The following TBC1D5 variants were observed in gnomAD, a reference collection of about 807,000 sequenced individuals.
The protein encoded by TBC1D5 is TBC1 domain family, member 5.
In TBC1D5, 75 loss-of-function variants were observed where a neutral mutation model predicts 100.3. The ratio of observed to expected loss-of-function variants is 0.75; its 90% CI spans 0.62 to 0.91. The LOEUF is 0.91. Ranked by LOEUF, TBC1D5 falls within the 40% of genes least tolerant of loss-of-function variation. TBC1D5 has a pLI of 0.00. For missense variants in TBC1D5, 910 were observed against 942.4 expected (o/e 0.97, Z 0.45); for synonymous variants, 323 against 325.6 (o/e 0.99, Z 0.09).
intron 13 of TBC1D5, among the ~76,000 whole-genome samples, chr3:17,359,438 C>T (rs978712216): frequency 6.6e-6 from 1 of 152,032 alleles, no homozygotes; most frequent in Non-Finnish European, 1.5e-5. Context: ...ACCGGTAAAA[C>T]TCTGTCCTTA....
At chr3:17,705,961 C>T (rs1008859568) in intron 1 of TBC1D5, 13 of 1,362,716 alleles carry the variant, frequency 9.5e-6, no homozygotes, top group South Asian at 8.8e-5. Flanking sequence ...TCCCGGGCGG[C>T]GCTCCTCAGC....
intron 8 of TBC1D5, among the ~76,000 whole-genome samples, chr3:17,401,372 T>C (rs1049968426): frequency 1.9e-5 from 2 of 108,034 alleles, no homozygotes; most frequent in Non-Finnish European, 3.8e-5. Flanking sequence ...GTGTATAATA[T>C]ACATATGTAT....
chr3:17,189,927 T>G (rs2069656786), intron 18 of TBC1D5, among the ~76,000 whole-genome samples: 1 of 152,250 alleles, frequency 6.6e-6, no homozygotes, highest in African/African-American at 2.4e-5. Context: ...TTGAATGATT[T>G]TCTTTTTGAC....
chr3:17,255,954 G>A (rs1037156275), intron 16 of TBC1D5, among the ~76,000 whole-genome samples: 1 of 152,034 alleles, frequency 6.6e-6, no homozygotes, highest in Admixed American at 6.5e-5. Flanking sequence ...GAGAATGGCG[G>A]GAACCCGGGA....
chr3:17,587,993 T>A (rs2096742918), intron 2 of TBC1D5, among the ~76,000 whole-genome samples: 2 of 152,060 alleles, frequency 1.3e-5, no homozygotes, highest in African/African-American at 2.4e-5. Flanking sequence ...ATTATCATAG[T>A]ACTATGTCAC....
At chr3:17,275,542 TAAAC>T (rs952914951) in intron 15 of TBC1D5, among the ~76,000 whole-genome samples, 1 of 152,128 alleles carries the variant, frequency 6.6e-6, no homozygotes, top group Non-Finnish European at 1.5e-5. Context: ...TCTGTCTCTT[TAAAC>T]AAACCAACCA....
intron 10 of TBC1D5, among the ~76,000 whole-genome samples, chr3:17,375,839 T>C (rs2152094928): frequency 6.6e-6 from 1 of 152,318 alleles, no homozygotes; most frequent in East Asian, 1.9e-4. Context: ...TGTGAAATGT[T>C]ATCTGCAAGT....
In TBC1D5 at chr3:17,734,812, G is replaced by A. The variant is rs140928133; in HGVS notation, c.-101+4531C>T. On this transcript the variant is annotated intron_variant, in intron 1 of 21. Coordinates refer to ENST00000253692, the Ensembl canonical transcript of TBC1D5. Reference sequence around the variant, plus strand: ...ACTGTTAAAGATGGGCAACCCAGGCGTGGTGGCTCACAAATATAATCCAAA... The same window carrying A: ...ACTGTTAAAGATGGGCAACCCAGGCATGGTGGCTCACAAATATAATCCAAA... Among the ~76,000 whole-genome samples the A allele has an allele frequency of 3.9e-5, 6 of 152,292 alleles. No homozygotes were observed. The East Asian group carries it at 7.7e-4, about 20-fold the overall frequency.
At chr3:17,349,304 T>C (rs116477725) in intron 13 of TBC1D5, among the ~76,000 whole-genome samples, 3,405 of 152,250 alleles carry the variant, frequency 0.022, 122 homozygotes, top group African/African-American at 0.077. Flanking sequence ...AGTAGGTGGG[T>C]GGGACTGAAG....
intron 15 of TBC1D5, among the ~76,000 whole-genome samples, chr3:17,270,537 A>C (rs2079295472): frequency 6.6e-6 from 1 of 152,162 alleles, no homozygotes; most frequent in African/African-American, 2.4e-5. Flanking sequence ...TTCTCCCATT[A>C]TGCAAAGTTT....
intron 1 of TBC1D5, among the ~76,000 whole-genome samples, chr3:17,678,795 C>T (rs1384566533): frequency 3.4e-5 from 5 of 149,234 alleles, no homozygotes; most frequent in Admixed American, 2.7e-4. Context: ...CATTCTAAGA[C>T]ATATTATCAT....
intron 1 of TBC1D5, among the ~76,000 whole-genome samples, chr3:17,688,424 T>C (rs2070641021): frequency 6.6e-6 from 1 of 152,216 alleles, no homozygotes; most frequent in South Asian, 2.1e-4. Flanking sequence ...ACATACTATG[T>C]GTATTGATTA....
chr3:17,456,879 A>C (rs1159586071), intron 3 of TBC1D5, among the ~76,000 whole-genome samples: 2 of 152,220 alleles, frequency 1.3e-5, no homozygotes, highest in Non-Finnish European at 1.5e-5. Context: ...TGTTAAACAA[A>C]AGACAGGCAC....
intron 2 of TBC1D5, among the ~76,000 whole-genome samples, chr3:17,611,812 T>C (rs182926066): frequency 6.6e-5 from 10 of 152,338 alleles, no homozygotes; most frequent in Non-Finnish European, 1.0e-4. Context: ...GATTCTATGT[T>C]ATAATGCCTA....
At chr3:17,699,523 C>T (rs2072793822) in intron 1 of TBC1D5, among the ~76,000 whole-genome samples, 1 of 113,750 alleles carries the variant, frequency 8.8e-6, no homozygotes, top group African/African-American at 3.0e-5. Context: ...TGCACATGTA[C>T]CCTAAAACTT....
At chr3:17,292,049 T>G in intron 14 of TBC1D5, 48 bp from the exon 15 acceptor site, 1 of 1,470,542 alleles carries the variant, frequency 6.8e-7, no homozygotes, top group African/African-American at 1.4e-5. Flanking sequence ...TTTAAGATAT[T>G]CTGCATTGCT....
At chr3:17,264,269 G>C (rs552563911) in intron 15 of TBC1D5, among the ~76,000 whole-genome samples, 55 of 151,942 alleles carry the variant, frequency 3.6e-4, no homozygotes, top group African/African-American at 1.2e-3. Context: ...ACTGAGTCTA[G>C]AGAAATCAAA....
rs79533642 is a variant in TBC1D5, at chr3:17,586,161, G to C, written c.-36+37688C>G. ...AAAAGCAGGAGGTAGGACAGAAACA[G>C]ATCAGGAAACTGAGTAACTGTGTTG... On this transcript the variant is annotated intron_variant, in intron 2 of 21. Transcript: ENST00000253692. Among the ~76,000 whole-genome samples the C allele has an allele frequency of 9.4e-4, 143 of 152,270 alleles. 1 individual carries two copies. The highest frequency in any genetic ancestry group is 3.3e-3 in the African/African-American group (136 of 41,558).
At chr3:17,465,330 C>G (rs2095283960) in intron 3 of TBC1D5, 1 of 182,532 alleles carries the variant, frequency 5.5e-6, no homozygotes, top group African/African-American at 2.4e-5. Flanking sequence ...GCACTGATAG[C>G]AGGCTCAACA....
Sources: gnomAD v4.1 joint callset for allele counts (sites outside exome capture counted in the v4.1 genomes callset) on GRCh38, gnomAD v4.1.1 for gene constraint, MANE v1.5 for transcripts, NCBI Gene and HGNC (gene_info 2026-07-23, HGNC 2026-07-21) for gene names.